Variants in MIB2 observed in about 807,000 individuals in gnomAD.
The protein encoded by MIB2 is E3 ubiquitin-protein ligase MIB2.
Under a neutral mutation model 96.6 loss-of-function variants are expected in MIB2, and 78 were observed. That is an observed-to-expected ratio of 0.81 (90% CI 0.67 to 0.97). The LOEUF is 0.97. MIB2 is among the 50% of genes least tolerant of loss of function. The pLI, the probability that MIB2 is intolerant of heterozygous loss-of-function variation, is 0.00. For synonymous variants in MIB2, 820 were observed against 629.5 expected (o/e 1.30, Z -4.53); for missense variants, 1,543 against 1,424.0 (o/e 1.08, Z -1.35).
intron 2 of MIB2, 62 bp downstream of exon 2, chr1:1,616,676 G>T: frequency 7.5e-7 from 1 of 1,335,258 alleles, no homozygotes; most frequent in Non-Finnish European, 1.0e-6. Context: ...TTGGGGCTCC[G>T]TGGAAGCCAC....
In MIB2 at chr1:1,628,632, C is replaced by T; in HGVS notation, c.2112C>T (p.Ala704=). The T allele has an allele frequency of 6.3e-7, 1 of 1,597,064 alleles. No homozygotes were observed. Among genetic ancestry groups the T allele is most frequent in the Non-Finnish European group, 8.5e-7 (1 of 1,175,448 alleles). Residue 704 remains alanine (A), a synonymous_variant, in exon 16 of 20, where the codon GCC becomes GCT. Coordinates refer to ENST00000355826, the MANE Select transcript of MIB2 (RefSeq NM_001170687.4). ...CCGAGGACGAGGAGGGGGACACAGCCCTGCACGTGGCGCTGCAGCGTCATC... is the reference window on the plus strand; with the variant it reads ...CCGAGGACGAGGAGGGGGACACAGCTCTGCACGTGGCGCTGCAGCGTCATC... ...VNAEDEEGDT[A]LHVALQRHQL... is the part of the protein sequence containing the mutation.
rs538546468 is a variant in MIB2, at chr1:1,624,245, T to C, written c.419+300T>C. 10 of 475,728 alleles carry C rather than the reference T, an allele frequency of 2.1e-5. No individual in the cohort carries two copies. The Admixed American group carries it at 3.7e-4, about 18-fold the overall frequency. 29.5% of individuals were successfully genotyped at this position (475,728 alleles called of 1,614,324 possible). A position where few individuals can be genotyped will look rare whatever the true frequency, so the allele number is the denominator to read the frequency against. On this transcript the variant is annotated intron_variant, in intron 4 of 19. Transcript: ENST00000355826. ...GGCTGTCTTGGAGGCTGCTGCGCTC[T>C]GGTCCGAGGGCATCAGCTCGGGGAG... is the stretch of plus-strand genomic sequence containing the variant.
chr1:1,623,909 A>G lies in MIB2; in HGVS notation c.383A>G (p.His128Arg). Residue 128 changes from histidine (H) to arginine (R), a missense_variant, in exon 4 of 20, where the codon CAC becomes CGC. Physicochemically the swap from His to Arg is conservative, Grantham distance 29. Transcript: ENST00000355826. ...CYMHNKHELA[H>R]AFDRYETAHS... ...ATGCACAACAAGCATGAGCTCGCCC[A>G]CGCCTTCGACCGCTACGAGACCGCT... 1 of 1,611,882 alleles carries G rather than the reference A, an allele frequency of 6.2e-7. No homozygotes were observed. The highest frequency in any genetic ancestry group is 8.5e-7 in the Non-Finnish European group (1 of 1,179,400).
chr1:1,617,980 C>T (rs944041142), intron 2 of MIB2: 3 of 152,320 alleles, frequency 2.0e-5, no homozygotes, highest in Non-Finnish European at 4.4e-5. Context: ...GAAGCCTGGG[C>T]TGTATGTTTC....
chr1:1,621,940 C>T (rs954582581), intron 2 of MIB2, among the ~76,000 whole-genome samples: 3 of 152,228 alleles, frequency 2.0e-5, no homozygotes, highest in Admixed American at 6.5e-5. Flanking sequence ...GAGCAGGAGT[C>T]GGGGGCTTTG....
chr1:1,621,014 T>G (rs957154945), intron 2 of MIB2, among the ~76,000 whole-genome samples: 20 of 152,366 alleles, frequency 1.3e-4, no homozygotes, highest in Middle Eastern at 3.4e-3. Context: ...AGAAGCGGCC[T>G]GTGCTGGGCG....
intron 16 of MIB2, 41 bp from the exon 17 acceptor site, chr1:1,629,092 C>A: frequency 7.1e-7 from 1 of 1,404,104 alleles, no homozygotes; most frequent in Non-Finnish European, 9.2e-7. Flanking sequence ...CTCGGGCCTG[C>A]CCCGGCGCCC....
In MIB2 at chr1:1,625,496, C is replaced by T. The variant is rs752821736; in HGVS notation, c.865-50C>T. 2.5e-5 allele frequency: 38 copies of T among 1,549,838 alleles called. No individual in the cohort carries two copies. Among genetic ancestry groups the T allele is most frequent in the Non-Finnish European group, 3.3e-5 (38 of 1,145,064 alleles). On this transcript the variant is annotated intron_variant, in intron 7 of 19. Transcript: ENST00000355826. The surrounding 1 kb of genome is among the most constrained non-coding windows in gnomAD (Gnocchi z 5.0). ...AGCCCTCCGCCCCCTCAGCCCCTTC[C>T]TCCCCAAGCGTCCAGCCCGACCCAG...
rs1365612821 is a variant in MIB2, at chr1:1,615,529, C to T, written c.-234C>T. 3 of 1,532,836 alleles carry T rather than the reference C, an allele frequency of 2.0e-6. No homozygotes were observed. The highest frequency in any genetic ancestry group is 2.4e-5 in the South Asian group (2 of 83,372). The allele number at this position is 1,532,836 out of a possible 1,614,324, so 95.0% of individuals were successfully genotyped here. Reference sequence around the variant, plus strand: ...TTCGGGTCCCACAGTTTCCAGCCGCCGCTCTCCTCAGTGCCCGGTGGCCCA... The same window carrying T: ...TTCGGGTCCCACAGTTTCCAGCCGCTGCTCTCCTCAGTGCCCGGTGGCCCA... On this transcript the variant is annotated 5_prime_UTR_variant, in exon 1 of 20. Coordinates refer to ENST00000355826, the MANE Select transcript of MIB2 (RefSeq NM_001170687.4).
rs781508713 is a variant in MIB2, at chr1:1,627,225, T to G, written c.1374+18T>G. 6.2e-7 allele frequency: 1 copy of G among 1,610,868 alleles called. No individual in the cohort carries two copies. The highest frequency in any genetic ancestry group is 1.1e-5 in the South Asian group (1 of 90,856). Reference sequence around the variant, plus strand: ...CAGAGCAGGCAAGCTCCTGACCCCGTCCTCCCATACTGGCCAGTCTGAGAG... The same window carrying G: ...CAGAGCAGGCAAGCTCCTGACCCCGGCCTCCCATACTGGCCAGTCTGAGAG... On this transcript the variant is annotated intron_variant, in intron 11 of 19. Coordinates refer to ENST00000355826, the MANE Select transcript of MIB2 (RefSeq NM_001170687.4).
intron 1 of MIB2, 134 bp downstream of exon 1, chr1:1,615,767 G>A (rs1236865803): frequency 2.1e-5 from 29 of 1,411,842 alleles, no homozygotes; most frequent in Non-Finnish European, 2.7e-5. Context: ...CTCGGCGTAG[G>A]GTCCGCACGG....
At chr1:1,627,244 C>CT (rs780339148) in intron 11 of MIB2, 37 bp downstream of exon 11, 4 of 1,612,600 alleles carry the variant, frequency 2.5e-6, no homozygotes, top group East Asian at 2.2e-5. Flanking sequence ...ACTGGCCAGT[C>CT]TGAGAGTGAG....
Position 1,628,020 on chromosome 1 carries a change from A to G in MIB2, c.1682A>G (p.Asp561Gly), listed in dbSNP as rs766238027. Reference protein sequence around the residue: ...CERGCDVNLPDAHSDTPLHSA... With the variant: ...CERGCDVNLPGAHSDTPLHSA... ...TGACCACTGACTCCGCCCCAGCAGG[A>G]CGCCCACTCGGACACGCCCCTGCAC... Residue 561 changes from aspartate to glycine, a missense_variant and splice_region_variant, in exon 14 of 20, where the codon GAC (aspartate) becomes GGC (glycine). By Grantham distance (94) the Asp-to-Gly change is moderately conservative (BLOSUM62 -1). Transcript: ENST00000355826. The G allele has an allele frequency of 5.0e-5, 80 of 1,612,314 alleles. No individual in the cohort carries two copies. The East Asian group carries it at 1.8e-3, about 36-fold the overall frequency.
At chr1:1,618,870 C>T (rs1643990955) in intron 2 of MIB2, 1 of 152,662 alleles carries the variant, frequency 6.6e-6, no homozygotes, top group African/African-American at 2.4e-5. Context: ...GGGTGCCCCT[C>T]CTCCCTGCCT....
chr1:1,627,938 G>GT (rs1644967343), intron 13 of MIB2, 81 bp from the exon 14 acceptor site: 1 of 1,603,602 alleles, frequency 6.2e-7, no homozygotes, highest in Non-Finnish European at 8.5e-7. Context: ...CCCCCTGCCC[G>GT]TGAGTGCTGC....
rs922452743 is a variant in MIB2 at position 1,628,025 on chromosome 1, C to T, written c.1687C>T (p.His563Tyr). Residue 563 changes from histidine (H) to tyrosine (Y), a missense_variant, in exon 14 of 20, where the codon CAC (histidine) becomes TAC (tyrosine). Physicochemically the swap from His to Tyr is moderately conservative, Grantham distance 83. Transcript: ENST00000355826. ...RGCDVNLPDAHSDTPLHSAIS... is the reference protein window; with the variant it reads ...RGCDVNLPDAYSDTPLHSAIS... ...ACTGACTCCGCCCCAGCAGGACGCC[C>T]ACTCGGACACGCCCCTGCACTCCGC... The T allele has an allele frequency of 1.2e-6, 2 of 1,612,566 alleles. No homozygotes were observed. Among genetic ancestry groups the T allele is most frequent in the African/African-American group, 2.7e-5 (2 of 74,928 alleles).
In MIB2 at chr1:1,627,366, G is replaced by T; in HGVS notation, c.1445G>T (p.Arg482Leu). Residue 482 changes from arginine to leucine, a missense_variant, in exon 12 of 20, where the codon CGG becomes CTG. Arg to Leu is a moderately radical substitution (Grantham distance 102, BLOSUM62 -2). Coordinates refer to ENST00000355826, the MANE Select transcript of MIB2 (RefSeq NM_001170687.4). ...TACCTGGGCCAGGTGGAGTTGATAC[G>T]GCTGCTGCTACAAGCCAGGGCGGGC... is the stretch of plus-strand genomic sequence containing the variant. ...AAYLGQVELI[R>L]LLLQARAGVD... The T allele has an allele frequency of 5.6e-6, 9 of 1,613,052 alleles. No homozygotes were observed. The highest frequency in any genetic ancestry group is 7.6e-6 in the Non-Finnish European group (9 of 1,179,962).
intron 2 of MIB2, among the ~76,000 whole-genome samples, chr1:1,621,685 C>G (rs775927992): frequency 6.6e-6 from 1 of 152,222 alleles, no homozygotes; most frequent in African/African-American, 2.4e-5. Context: ...TGGAAGCTCT[C>G]GCGGTCCTGG....
chr1:1,615,313 T>C, upstream of MIB2: 3 of 1,376,542 alleles, frequency 2.2e-6, no homozygotes, highest in South Asian at 3.3e-5. Context: ...GGCAACCGAG[T>C]GCGTCTCTAG....
Sources: allele counts gnomAD v4.1 joint callset (sites outside exome capture counted in the v4.1 genomes callset), GRCh38; gene constraint gnomAD v4.1.1; non-coding constraint Gnocchi (gnomAD v3.1); transcripts MANE v1.5; gene names NCBI Gene and HGNC (gene_info 2026-07-23, HGNC 2026-07-21).